Variants in TESPA1 observed in about 807,000 individuals in gnomAD.
TESPA1 encodes thymocyte expressed, positive selection associated 1.
A neutral mutation model predicts 57.9 loss-of-function variants in TESPA1; 33 were observed. The observed-to-expected ratio is 0.57, with a 90% confidence interval of 0.43 to 0.76. TESPA1 has a LOEUF of 0.76. Among genes scored for constraint, TESPA1 ranks in the 30% least tolerant of loss-of-function variants. The probability of loss-of-function intolerance (pLI) is 0.00; values close to 1 mark genes in which losing one functional copy is unlikely to be tolerated. For missense variants in TESPA1, 618 were observed against 632.9 expected (o/e 0.98, Z 0.25); for synonymous variants, 227 against 228.9 (o/e 0.99, Z 0.07).
intron 1 of TESPA1, among the ~76,000 whole-genome samples, chr12:54,977,431 G>T (rs1287650486): frequency 2.0e-5 from 3 of 152,118 alleles, no homozygotes; most frequent in Non-Finnish European, 4.4e-5. Context: ...AAAGAGAGAT[G>T]GTTATTCTAA....
At position 54,961,275 on chromosome 12, in the gene TESPA1, C is replaced by T; in HGVS notation, c.1468-8G>A. 1 of 1,613,788 alleles carries T rather than the reference C, an allele frequency of 6.2e-7. No individual in the cohort carries two copies. The highest frequency in any genetic ancestry group is 8.5e-7 in the Non-Finnish European group (1 of 1,179,840). ...CTCACTGTTGCTTTGCACCTGTAAC[C>T]AAGATCCCACAGAACTCAGCCAGAG... On this transcript the variant is annotated splice_polypyrimidine_tract_variant and splice_region_variant and intron_variant, in intron 9 of 10. Transcript: ENST00000449076.
chr12:54,953,812 G>GC (rs1950557809), intron 10 of TESPA1, among the ~76,000 whole-genome samples: 1 of 152,094 alleles, frequency 6.6e-6, no homozygotes, highest in South Asian at 2.1e-4. Flanking sequence ...GAGCCACCGT[G>GC]CCCGGCCTAC....
chr12:54,969,021 G>GTGTGTGTATATATATATATATATATATA lies in TESPA1; in HGVS notation c.207-1130_207-1129insTATATATATATATATATATATACACACA, dbSNP rs370590552. 1.4e-3 allele frequency among the ~76,000 whole-genome samples: 114 copies of GTGTGTGTATATATATATATATATATATA among 83,532 alleles called. 1 individual carries two copies. In the East Asian group the frequency reaches 0.026, roughly 19 times the overall value. The allele number at this position is 83,532 out of a possible 152,430, so 54.8% of individuals were successfully genotyped here. A position where few individuals can be genotyped will look rare whatever the true frequency, so the allele number is the denominator to read the frequency against. ...AATAAGTCACTACATATTTATATAT[G>GTGTGTGTATATATATATATATATATATA]TATATATATATATATATATATATAT... On this transcript the variant is annotated intron_variant, in intron 3 of 10. Coordinates refer to ENST00000449076, the MANE Select transcript of TESPA1 (RefSeq NM_001136030.3).
intron 1 of TESPA1, chr12:54,982,065 C>G (rs759328405): frequency 6.6e-6 from 1 of 152,238 alleles, no homozygotes; most frequent in Admixed American, 6.5e-5. Flanking sequence ...TCATTACCAT[C>G]GCAGAGCTGC....
rs370590552 is a variant in TESPA1, at chr12:54,969,021, G to GTGTGTGTATATATATA, written c.207-1130_207-1129insTATATATATACACACA. 9.1e-4 allele frequency among the ~76,000 whole-genome samples: 76 copies of GTGTGTGTATATATATA among 83,660 alleles called. 1 individual carries two copies. The highest frequency in any genetic ancestry group is 2.8e-3 in the African/African-American group (62 of 21,954). The allele number at this position is 83,660 out of a possible 152,430, so 54.9% of individuals were successfully genotyped here. A position where few individuals can be genotyped will look rare whatever the true frequency, so the allele number is the denominator to read the frequency against. On this transcript the variant is annotated intron_variant, in intron 3 of 10. Coordinates refer to ENST00000449076, the MANE Select transcript of TESPA1 (RefSeq NM_001136030.3). ...AATAAGTCACTACATATTTATATAT[G>GTGTGTGTATATATATA]TATATATATATATATATATATATAT...
Position 54,963,599 on chromosome 12 carries a change from T to G in TESPA1, c.655+143A>C, listed in dbSNP as rs555106979. Reference sequence around the variant, plus strand: ...ATCAGACAGAGTTCTCCATCTTCACTGAAGACAACATAAGAGGAAATAGAC... The same window carrying G: ...ATCAGACAGAGTTCTCCATCTTCACGGAAGACAACATAAGAGGAAATAGAC... On this transcript the variant is annotated intron_variant, in intron 8 of 10. Transcript: ENST00000449076. 522 of 960,226 alleles carry G rather than the reference T, an allele frequency of 5.4e-4. 2 individuals are homozygous for G. In the African/African-American group the frequency reaches 7.8e-3, roughly 14 times the overall value. The allele number at this position is 960,226 out of a possible 1,614,324, so 59.5% of individuals were successfully genotyped here. A position where few individuals can be genotyped will look rare whatever the true frequency, so the allele number is the denominator to read the frequency against.
chr12:54,963,090 G>C lies in TESPA1; in HGVS notation c.808C>G (p.Leu270Val). 6.2e-7 allele frequency: 1 copy of C among 1,613,988 alleles called. No individual in the cohort carries two copies. The highest frequency in any genetic ancestry group is 8.5e-7 in the Non-Finnish European group (1 of 1,179,894). The change falls in exon 9 of 11, where the codon CTG becomes GTG. Residue 270 changes from leucine (L) to valine (V), a missense_variant. Physicochemically the swap from Leu to Val is conservative, Grantham distance 32. Around this residue, in one of 3 missense-constraint regions of TESPA1, gnomAD observed 409 missense variants for 420.1 expected, o/e 0.97. Transcript: ENST00000449076. ...GACTGGGGTTCAGGCTCTCGGGACA[G>C]AATCCTGATGGATGGCACATCAGTT... Reference protein sequence around the residue: ...HPTDVPSIRILSREPEPQSPR... With the variant: ...HPTDVPSIRIVSREPEPQSPR...
At chr12:54,968,927 C>A (rs946499704) in intron 3 of TESPA1, among the ~76,000 whole-genome samples, 2 of 150,954 alleles carry the variant, frequency 1.3e-5, no homozygotes, top group Non-Finnish European at 2.9e-5. Flanking sequence ...CACTTCATGG[C>A]GTGTGTAACA....
intron 9 of TESPA1, 139 bp from the exon 10 acceptor site, chr12:54,961,406 G>A: frequency 1.2e-6 from 1 of 849,066 alleles, no homozygotes; most frequent in South Asian, 1.6e-5. Flanking sequence ...CAGGGACACA[G>A]TAATGAGGAA....
chr12:54,971,436 T>C (rs4759128), intron 3 of TESPA1, among the ~76,000 whole-genome samples: 17,312 of 152,318 alleles, frequency 0.11, 2,307 homozygotes, highest in East Asian at 0.63. Flanking sequence ...CCTTTAGTTT[T>C]TCTAGCTTTT....
chr12:54,982,379 C>T (rs1267122372), intron 1 of TESPA1, among the ~76,000 whole-genome samples: 2 of 152,200 alleles, frequency 1.3e-5, no homozygotes, highest in African/African-American at 2.4e-5. Context: ...AAAAAATGCC[C>T]ATTAGTCAAT....
chr12:54,977,069 A>G (rs954398631), intron 1 of TESPA1, among the ~76,000 whole-genome samples: 36 of 150,930 alleles, frequency 2.4e-4, no homozygotes, highest in Admixed American at 2.4e-3. Context: ...TCTCTGCTTG[A>G]TTTTTTTCTT....
chr12:54,982,377 C>T (rs1952353191), intron 1 of TESPA1, among the ~76,000 whole-genome samples: 1 of 152,172 alleles, frequency 6.6e-6, no homozygotes, highest in Non-Finnish European at 1.5e-5. Flanking sequence ...AGAAAAAATG[C>T]CCATTAGTCA....
intron 5 of TESPA1, among the ~76,000 whole-genome samples, chr12:54,966,845 A>G (rs1419260930): frequency 6.6e-6 from 1 of 152,108 alleles, no homozygotes; most frequent in East Asian, 1.9e-4. Context: ...TTTACATCCA[A>G]TGCACAGACT....
At chr12:54,981,198 G>T (rs1952304875) in intron 1 of TESPA1, among the ~76,000 whole-genome samples, 1 of 152,148 alleles carries the variant, frequency 6.6e-6, no homozygotes, top group Admixed American at 6.5e-5. Context: ...TGCTTAATAA[G>T]TGATAGATAT....
intron 1 of TESPA1, among the ~76,000 whole-genome samples, chr12:54,979,996 C>T (rs4374022): frequency 0.34 from 52,260 of 152,020 alleles, 11,414 homozygotes; most frequent in East Asian, 0.89. Context: ...CTGACCCTCA[C>T]AGAGATACGT....
chr12:54,982,424 C>T (rs1952354804), intron 1 of TESPA1, among the ~76,000 whole-genome samples: 2 of 152,220 alleles, frequency 1.3e-5, no homozygotes, highest in African/African-American at 4.8e-5. Flanking sequence ...CATACTCTTT[C>T]TCCCACAAAT....
chr12:54,975,589 T>C (rs1831246532), intron 1 of TESPA1, among the ~76,000 whole-genome samples: 1 of 152,028 alleles, frequency 6.6e-6, no homozygotes, highest in Non-Finnish European at 1.5e-5. Context: ...ACTGAGCAAA[T>C]AGGAGTGGGG....
At position 54,967,121 on chromosome 12, in the gene TESPA1, C is replaced by T. The variant is rs558321769; in HGVS notation, c.310+62G>A. On this transcript the variant is annotated intron_variant, in intron 5 of 10. Transcript: ENST00000449076. ...TGAAGTTTTGCACTTCCATCCTATC[C>T]TGAATTCATACAATGTATATCCTGT... 798 of 1,589,536 alleles carry T rather than the reference C, an allele frequency of 5.0e-4. 1 individual carries two copies. The highest frequency in any genetic ancestry group is 6.6e-4 in the Non-Finnish European group (773 of 1,163,236).
Sources: allele counts gnomAD v4.1 joint callset (sites outside exome capture counted in the v4.1 genomes callset), GRCh38; gene constraint gnomAD v4.1.1; regional missense constraint gnomAD v4.1.1; transcripts MANE v1.5; gene names NCBI Gene and HGNC (gene_info 2026-07-23, HGNC 2026-07-21).